KIAA1217: variants seen among roughly 807,000 people sequenced by gnomAD.
KIAA1217 encodes the protein KIAA1217.
In KIAA1217, 88 loss-of-function variants were observed where a neutral mutation model predicts 163.9. The ratio of observed to expected loss-of-function variants is 0.54; its 90% CI spans 0.45 to 0.64. The LOEUF is 0.64. KIAA1217 is among the 30% of genes least tolerant of loss of function. KIAA1217 has a pLI of 0.00. For missense variants in KIAA1217, 2,372 were observed against 2,475.0 expected (o/e 0.96, Z 0.88); for synonymous variants, 903 against 923.1 (o/e 0.98, Z 0.39).
At chr10:24,252,679 G>A (rs2074694164) in intron 2 of KIAA1217, among the ~76,000 whole-genome samples, 1 of 152,176 alleles carries the variant, frequency 6.6e-6, no homozygotes, top group East Asian at 1.9e-4. Context: ...TCATTTACTC[G>A]GCACTGATTG....
At chr10:24,116,319 TC>T (rs2063052003) in intron 2 of KIAA1217, among the ~76,000 whole-genome samples, 2 of 152,054 alleles carry the variant, frequency 1.3e-5, no homozygotes, top group African/African-American at 4.8e-5. Context: ...CTGGTGACCC[TC>T]TATCATACAG....
chr10:24,515,625 G>C (rs1279851698), intron 10 of KIAA1217, among the ~76,000 whole-genome samples: 1 of 152,190 alleles, frequency 6.6e-6, no homozygotes, highest in Non-Finnish European at 1.5e-5. Flanking sequence ...CTGATAAATA[G>C]GAGTATAGCC....
At chr10:23,828,967 T>A (rs1838038663) in intron 1 of KIAA1217, among the ~76,000 whole-genome samples, 1 of 152,196 alleles carries the variant, frequency 6.6e-6, no homozygotes, top group Non-Finnish European at 1.5e-5. Context: ...GTATATAAAA[T>A]GCCCCAGATT....
intron 1 of KIAA1217, among the ~76,000 whole-genome samples, chr10:23,706,686 T>C (rs188663483): frequency 2.0e-5 from 3 of 152,324 alleles, no homozygotes; most frequent in Admixed American, 2.0e-4. Flanking sequence ...TTTGTCTATA[T>C]TCATAAGAGA....
intron 1 of KIAA1217, among the ~76,000 whole-genome samples, chr10:23,883,793 C>G (rs75576519): frequency 1.3e-5 from 2 of 151,906 alleles, no homozygotes; most frequent in Admixed American, 6.6e-5. Flanking sequence ...ATCTCTCCCC[C>G]CAACTCTTGA....
intron 2 of KIAA1217, among the ~76,000 whole-genome samples, chr10:24,275,000 C>A (rs755278844): frequency 6.6e-6 from 1 of 152,126 alleles, no homozygotes; most frequent in Admixed American, 6.5e-5. Context: ...TGCAGTGACA[C>A]AATCACAACT....
At chr10:24,158,557 A>G in intron 2 of KIAA1217, 1 of 510,626 alleles carries the variant, frequency 2.0e-6, no homozygotes. Context: ...AAAATCCTGT[A>G]TTGACTAAAC....
chr10:23,723,579 T>C (rs1389609961), intron 1 of KIAA1217, among the ~76,000 whole-genome samples: 1 of 152,242 alleles, frequency 6.6e-6, no homozygotes, highest in African/African-American at 2.4e-5. Flanking sequence ...TCAGCTCTAG[T>C]TTCCTAATAG....
chr10:24,374,537 A>G (rs2052178760), intron 2 of KIAA1217, among the ~76,000 whole-genome samples: 1 of 152,156 alleles, frequency 6.6e-6, no homozygotes, highest in South Asian at 2.1e-4. Flanking sequence ...CCACCCCAAA[A>G]TTGCAAGATC....
chr10:23,993,929 G>A (rs1250861839), intron 1 of KIAA1217, among the ~76,000 whole-genome samples: 2 of 152,066 alleles, frequency 1.3e-5, no homozygotes, highest in African/African-American at 2.4e-5. Flanking sequence ...TCTTCCCGGT[G>A]TGCCTAAGTC....
At chr10:24,157,991 A>T in intron 2 of KIAA1217, 6 of 765,626 alleles carry the variant, frequency 7.8e-6, no homozygotes, top group Non-Finnish European at 1.4e-5. Context: ...TCGATCAATT[A>T]GTGGCCCTTC....
chr10:23,931,983 G>A (rs941552143), intron 1 of KIAA1217, among the ~76,000 whole-genome samples: 1 of 152,188 alleles, frequency 6.6e-6, no homozygotes, highest in African/African-American at 2.4e-5. Context: ...AGACCAGCTG[G>A]CAAGAGCTGT....
intron 2 of KIAA1217, among the ~76,000 whole-genome samples, chr10:24,045,844 G>C (rs1391480038): frequency 1.3e-5 from 2 of 152,080 alleles, no homozygotes; most frequent in Non-Finnish European, 2.9e-5. Flanking sequence ...TCTCAATTGA[G>C]CCCTAGAACA....
intron 2 of KIAA1217, among the ~76,000 whole-genome samples, chr10:24,337,125 C>T (rs1294523864): frequency 3.9e-5 from 6 of 152,194 alleles, no homozygotes; most frequent in African/African-American, 1.2e-4. Flanking sequence ...GAAAAGGCAA[C>T]TCACACTGTG....
At position 24,520,975 on chromosome 10, in the gene KIAA1217, T is replaced by G. The variant is rs182242259; in HGVS notation, c.2308+722T>G. ...GGGAGGCCAAGGCAGGAAAATCGCC[T>G]GAGGCCAGGAGTTCAAGACCAGCCT... On this transcript the variant is annotated intron_variant, in intron 11 of 20. Transcript: ENST00000376454. 4.6e-3 allele frequency among the ~76,000 whole-genome samples: 680 copies of G among 148,126 alleles called. 4 individuals carry two copies. The highest frequency in any genetic ancestry group is 0.015 in the African/African-American group (618 of 40,120).
At chr10:24,509,396 C>T (rs1564825413) in intron 9 of KIAA1217, among the ~76,000 whole-genome samples, 1 of 152,174 alleles carries the variant, frequency 6.6e-6, no homozygotes, top group Non-Finnish European at 1.5e-5. Context: ...CAGCAGGATC[C>T]TGTAAGGCCC....
Position 24,450,245 on chromosome 10 carries a change from T to G in KIAA1217, c.846+11766T>G, listed in dbSNP as rs997995551. Among the ~76,000 whole-genome samples the G allele has an allele frequency of 5.3e-5, 8 of 152,244 alleles. No individual in the cohort carries two copies. In the East Asian group the frequency reaches 1.5e-3, roughly 29 times the overall value. ...TCCAGGGAAAAATTATTTGGTGTTT[T>G]GTTCTTGTGAAAATCACTTTAAATT... On this transcript the variant is annotated intron_variant, in intron 5 of 20. Coordinates refer to ENST00000376454, the MANE Select transcript of KIAA1217 (RefSeq NM_019590.5).
At chr10:23,896,457 G>A (rs934862618) in intron 1 of KIAA1217, among the ~76,000 whole-genome samples, 2 of 151,994 alleles carry the variant, frequency 1.3e-5, no homozygotes, top group Admixed American at 6.6e-5. Context: ...TAATGTCTTA[G>A]CTTCAGGTGA....
chr10:24,369,134 G>T (rs1255109848), intron 2 of KIAA1217, among the ~76,000 whole-genome samples: 1 of 151,180 alleles, frequency 6.6e-6, no homozygotes, highest in East Asian at 1.9e-4. Context: ...AGGACTAGAG[G>T]AAAATCAGAA....
Sources: gnomAD v4.1 joint callset for allele counts (sites outside exome capture counted in the v4.1 genomes callset) on GRCh38, gnomAD v4.1.1 for gene constraint, MANE v1.5 for transcripts, NCBI Gene and HGNC (gene_info 2026-07-23, HGNC 2026-07-21) for gene names.